THNSL1: variants seen among roughly 807,000 people sequenced by gnomAD.
THNSL1 encodes threonine synthase like 1, also known as threonine synthase-like 1.
A neutral mutation model predicts 50.4 loss-of-function variants in THNSL1; 48 were observed. The observed-to-expected ratio is 0.95, with a 90% CI of 0.76 to 1.21. The LOEUF (loss-of-function observed/expected upper bound fraction) is 1.21, where lower values mean the gene tolerates loss of function less well. Ranked by LOEUF, THNSL1 falls within the 50% of genes most tolerant of loss-of-function variation. The pLI is 0.00. For synonymous variants in THNSL1, 309 were observed against 306.1 expected (o/e 1.01, Z -0.10); for missense variants, 896 against 871.7 (o/e 1.03, Z -0.35).
At chr10:24,952,475 G>A in the THNSL1 span, 1 of 1,528,756 alleles carries the variant, frequency 6.5e-7, no homozygotes, top group African/African-American at 1.4e-5. The surrounding 1 kb of genome is among the most constrained non-coding windows in gnomAD (Gnocchi z 5.1). Context: ...CAAGCAGGGT[G>A]CCAGGGAGGG....
chr10:24,977,563 T>A, the THNSL1 span, among the ~76,000 whole-genome samples: 1 of 152,158 alleles, frequency 6.6e-6, no homozygotes, highest in African/African-American at 2.4e-5. Flanking sequence ...CTGGTGAAGT[T>A]TATTATATAC....
rs1435548019 is a variant in THNSL1, at chr10:25,023,356, T to C, written c.133T>C (p.Ser45Pro). Residue 45 changes from serine (S) to proline (P), a missense_variant, in exon 3 of 3, where the codon TCA becomes CCA. Coordinates refer to ENST00000376356, the MANE Select transcript of THNSL1 (RefSeq NM_024838.5). ...RTFALAELRK[S>P]WYSTHSLVGD... ...CTTTGCACTTGCGGAATTGAGGAAG[T>C]CATGGTATTCAACCCACTCTCTTGT... The C allele has an allele frequency of 6.2e-7, 1 of 1,614,148 alleles. No individual in the cohort carries two copies. The highest frequency in any genetic ancestry group is 1.7e-5 in the Admixed American group (1 of 60,022).
At chr10:25,004,421 A>G in the THNSL1 span, among the ~76,000 whole-genome samples, 4 of 152,080 alleles carry the variant, frequency 2.6e-5, no homozygotes, top group African/African-American at 9.7e-5. Flanking sequence ...CTTTTTCTCC[A>G]CAACCTCACC....
the THNSL1 span, among the ~76,000 whole-genome samples, chr10:25,001,111 A>C: frequency 2.4e-4 from 37 of 152,150 alleles, no homozygotes; most frequent in African/African-American, 8.9e-4. Context: ...CATTTGAAAA[A>C]ATCTTGAATA....
At chr10:24,996,456 GTA>G in the THNSL1 span, among the ~76,000 whole-genome samples, 4,854 of 149,672 alleles carry the variant, frequency 0.032, 220 homozygotes, top group African/African-American at 0.1. Context: ...GTGTGTGTGT[GTA>G]TATATATATA....
the THNSL1 span, among the ~76,000 whole-genome samples, chr10:25,010,809 G>A: frequency 1.3e-5 from 2 of 149,202 alleles, no homozygotes; most frequent in African/African-American, 2.4e-5. Context: ...ATTCCATGGT[G>A]TATATGTGCC....
chr10:25,023,562 A>G lies in THNSL1; in HGVS notation c.339A>G (p.Glu113=), dbSNP rs199543387. The G allele has an allele frequency of 3.1e-6, 5 of 1,614,148 alleles. No individual in the cohort carries two copies. In the East Asian group the frequency reaches 1.1e-4, roughly 36 times the overall value. Residue 113 remains glutamate (E), a synonymous_variant, in exon 3 of 3, where the codon GAA becomes GAG. Transcript: ENST00000376356. ...LQDVGNEQFL[E]EEGKAVLNFS... ...ATGTTGGTAATGAGCAATTTTTAGA[A>G]GAGGAAGGAAAAGCTGTGTTAAACT...
chr10:24,983,548 A>T, the THNSL1 span: 3 of 152,238 alleles, frequency 2.0e-5, no homozygotes, highest in East Asian at 5.8e-4. Flanking sequence ...CCTTTATTTT[A>T]TATCTGCCCT....
At chr10:24,975,635 T>C in the THNSL1 span, among the ~76,000 whole-genome samples, 1 of 152,128 alleles carries the variant, frequency 6.6e-6, no homozygotes, top group South Asian at 2.1e-4. Context: ...CCCCTTTTGT[T>C]TCCTACACAC....
chr10:24,992,129 T>C, the THNSL1 span, among the ~76,000 whole-genome samples: 4 of 152,250 alleles, frequency 2.6e-5, no homozygotes, highest in African/African-American at 7.2e-5. Flanking sequence ...AGAATTACTA[T>C]GTATTCCTTC....
chr10:25,024,032 A>T lies in THNSL1; in HGVS notation c.809A>T (p.Lys270Met). 6.2e-7 allele frequency: 1 copy of T among 1,614,222 alleles called. No homozygotes were observed. The highest frequency in any genetic ancestry group is 1.1e-5 in the South Asian group (1 of 91,090). The change falls in exon 3 of 3, where the codon AAG becomes ATG. Residue 270 changes from lysine to methionine, a missense_variant. By Grantham distance (95) the Lys-to-Met change is moderately conservative. Transcript: ENST00000376356. ...GATGGTGGCCTCTTTGTTCCTGCAA[A>T]GGAGTTTCCAAAATTAAGCTGCGGG... ...ASDGGLFVPA[K>M]EFPKLSCGEW...
chr10:24,972,825 C>T, the THNSL1 span, among the ~76,000 whole-genome samples: 493 of 152,236 alleles, frequency 3.2e-3, 1 homozygote, highest in Non-Finnish European at 5.6e-3. Context: ...ATAAGTCCAG[C>T]TATGAATATA....
At chr10:24,971,468 A>T in the THNSL1 span, among the ~76,000 whole-genome samples, 2 of 152,158 alleles carry the variant, frequency 1.3e-5, no homozygotes, top group Non-Finnish European at 2.9e-5. Context: ...CCTCTCTGGA[A>T]AGCCCTCCCA....
the THNSL1 span, among the ~76,000 whole-genome samples, chr10:24,957,549 C>T: frequency 7.2e-5 from 11 of 152,198 alleles, no homozygotes; most frequent in African/African-American, 2.2e-4. Flanking sequence ...GGTTTTATCT[C>T]GGCTCACTGC....
chr10:24,977,826 G>A, the THNSL1 span, among the ~76,000 whole-genome samples: 1 of 152,100 alleles, frequency 6.6e-6, no homozygotes, highest in African/African-American at 2.4e-5. Flanking sequence ...AGTTGTCTCA[G>A]GAAAGGAGAA....
the THNSL1 span, chr10:24,984,680 T>C: frequency 4.0e-6 from 6 of 1,487,372 alleles, no homozygotes; most frequent in Non-Finnish European, 5.4e-6. Context: ...TTTTTATATT[T>C]TCCATGTTTT....
At chr10:24,956,753 C>T in the THNSL1 span, among the ~76,000 whole-genome samples, 1 of 152,120 alleles carries the variant, frequency 6.6e-6, no homozygotes, top group African/African-American at 2.4e-5. Flanking sequence ...GCAGGTGTCC[C>T]CAACTACCGG....
At chr10:24,975,402 T>C in the THNSL1 span, among the ~76,000 whole-genome samples, 1 of 152,192 alleles carries the variant, frequency 6.6e-6, no homozygotes, top group Non-Finnish European at 1.5e-5. Context: ...TAGTGGTGAA[T>C]AGTGGCCCTG....
chr10:24,971,428 C>T, the THNSL1 span, among the ~76,000 whole-genome samples: 1 of 152,022 alleles, frequency 6.6e-6, no homozygotes, highest in African/African-American at 2.4e-5. Flanking sequence ...TAATTCAGCT[C>T]TGACTTCCTA....
Sources: allele counts gnomAD v4.1 joint callset (sites outside exome capture counted in the v4.1 genomes callset), GRCh38; gene constraint gnomAD v4.1.1; non-coding constraint Gnocchi (gnomAD v3.1); transcripts MANE v1.5; gene names NCBI Gene and HGNC (gene_info 2026-07-23, HGNC 2026-07-21).